Variants in IL19 observed in about 807,000 individuals in gnomAD.
The protein encoded by IL19 is interleukin-19.
IL19 carries 15 observed loss-of-function variants against 19.5 expected under a neutral mutation model. The ratio of observed to expected loss-of-function variants is 0.77; its 90% confidence interval spans 0.52 to 1.19. The LOEUF is 1.19. IL19 is among the 50% of genes most tolerant of loss of function. The pLI is 0.00. For missense variants in IL19, 199 were observed against 213.1 expected, an observed-to-expected ratio of 0.93 and a Z score of 0.41; for synonymous variants, 78 against 78.3, an observed-to-expected ratio of 1.00 and a Z score of 0.02.
chr1:206,782,601 G>C (rs1675174036), intron 1 of IL19, among the ~76,000 whole-genome samples: 1 of 152,216 alleles, frequency 6.6e-6, no homozygotes, highest in African/African-American at 2.4e-5. Context: ...CAGTTTAGCA[G>C]CTCCTGTGAG....
intron 2 of IL19, 50 bp from the exon 3 acceptor site, chr1:206,836,611 C>T (rs777758920): frequency 1.3e-6 from 2 of 1,533,568 alleles, no homozygotes; most frequent in African/African-American, 1.4e-5. Context: ...TCTTCTTTTT[C>T]ATTGCCCTCC....
chr1:206,784,317 C>T (rs1675214172), intron 1 of IL19, among the ~76,000 whole-genome samples: 1 of 152,196 alleles, frequency 6.6e-6, no homozygotes, highest in South Asian at 2.1e-4. Flanking sequence ...CCAGCCTGCC[C>T]CTTCTGTTCC....
chr1:206,773,956 G>A (rs532804945), intron 1 of IL19, among the ~76,000 whole-genome samples: 6 of 152,290 alleles, frequency 3.9e-5, no homozygotes, highest in Admixed American at 2.6e-4. Context: ...TGCCTGCCAG[G>A]GAGCATTGAG....
intron 2 of IL19, among the ~76,000 whole-genome samples, chr1:206,822,126 G>A (rs1228941662): frequency 6.6e-6 from 1 of 152,162 alleles, no homozygotes; most frequent in East Asian, 1.9e-4. Flanking sequence ...AAATTATTCT[G>A]GGCAAGGGGG....
chr1:206,827,318 T>C (rs1207855549), intron 2 of IL19, among the ~76,000 whole-genome samples: 1 of 152,228 alleles, frequency 6.6e-6, no homozygotes, highest in African/African-American at 2.4e-5. Flanking sequence ...TGTAATTTGT[T>C]GTAATTTCTT....
At chr1:206,783,792 C>T (rs556508003) in intron 1 of IL19, among the ~76,000 whole-genome samples, 1 of 152,316 alleles carries the variant, frequency 6.6e-6, no homozygotes, top group East Asian at 1.9e-4. Context: ...TCTGCCCTTT[C>T]CCATCTGTGT....
chr1:206,770,796 C>T lies in IL19; in HGVS notation c.-431C>T. On this transcript the variant is annotated 5_prime_UTR_variant, in exon 1 of 7. Transcript: ENST00000659997. The stretch of plus-strand genomic sequence containing the variant: ...GGAGTCTTTCCTCATTTACAGCTAG[C>T]TCTGCCAGTCTGTGTCTTTGCTGTG... 1 of 1,060,080 alleles carries T rather than the reference C, an allele frequency of 9.4e-7. No homozygotes were observed. The highest frequency in any genetic ancestry group is 1.5e-6 in the Non-Finnish European group (1 of 675,304). 65.7% of individuals were successfully genotyped at this position (1,060,080 alleles called of 1,614,324 possible).
chr1:206,789,852 T>C (rs1249374291), intron 1 of IL19, among the ~76,000 whole-genome samples: 1 of 152,202 alleles, frequency 6.6e-6, no homozygotes, highest in Non-Finnish European at 1.5e-5. Flanking sequence ...CCTGTGTTAG[T>C]TTGCTAAGGA....
intron 1 of IL19, among the ~76,000 whole-genome samples, chr1:206,789,538 G>C (rs529526897): frequency 6.6e-6 from 1 of 152,038 alleles, no homozygotes; most frequent in Non-Finnish European, 1.5e-5. Flanking sequence ...ATGGCTGAGT[G>C]GTACTCCATG....
chr1:206,833,555 A>G (rs1676681737), intron 2 of IL19, among the ~76,000 whole-genome samples: 2 of 152,226 alleles, frequency 1.3e-5, no homozygotes, highest in Non-Finnish European at 2.9e-5. Context: ...AACTGTTTAT[A>G]CCCTATCTTT....
chr1:206,821,637 C>T (rs1361324264), intron 2 of IL19, among the ~76,000 whole-genome samples: 1 of 152,206 alleles, frequency 6.6e-6, no homozygotes, highest in African/African-American at 2.4e-5. Flanking sequence ...GCTCTAGCAC[C>T]ATTAGCTTCG....
At chr1:206,828,594 G>T (rs577789370) in intron 2 of IL19, among the ~76,000 whole-genome samples, 1 of 152,116 alleles carries the variant, frequency 6.6e-6, no homozygotes, top group Non-Finnish European at 1.5e-5. Flanking sequence ...GGAGTGAAAG[G>T]TACGTAAACA....
At chr1:206,813,331 C>T (rs1288700463) in intron 2 of IL19, among the ~76,000 whole-genome samples, 1 of 152,184 alleles carries the variant, frequency 6.6e-6, no homozygotes, top group African/African-American at 2.4e-5. Flanking sequence ...CTTGTGGTTC[C>T]TGTGAGTGTT....
chr1:206,797,642 G>A (rs1315243766), intron 1 of IL19, among the ~76,000 whole-genome samples: 2 of 152,062 alleles, frequency 1.3e-5, no homozygotes, highest in Non-Finnish European at 2.9e-5. Context: ...TTTTTCTCAA[G>A]GACATTTCCT....
chr1:206,792,496 G>A (rs1196521077), intron 1 of IL19, among the ~76,000 whole-genome samples: 2 of 151,770 alleles, frequency 1.3e-5, no homozygotes, highest in African/African-American at 4.8e-5. Flanking sequence ...TTGCTCTGTC[G>A]CACATGCTGG....
At chr1:206,772,041 C>T (rs1051048912) in intron 1 of IL19, among the ~76,000 whole-genome samples, 4 of 152,336 alleles carry the variant, frequency 2.6e-5, no homozygotes, top group Non-Finnish European at 2.9e-5. Context: ...CGAGAGAGAA[C>T]GCATTTACTT....
chr1:206,775,141 A>C (rs901502993), intron 1 of IL19, among the ~76,000 whole-genome samples: 1 of 151,890 alleles, frequency 6.6e-6, no homozygotes, highest in Non-Finnish European at 1.5e-5. Context: ...CCCGAGTTCA[A>C]GCCATTCTCC....
In IL19 at chr1:206,835,116, A is replaced by G. The variant is rs1676740865; in HGVS notation, c.-2-1545A>G. Reference sequence around the variant, plus strand: ...ATTGCCTCACCAAGCTAAGGGAGACATCTTTCTCCTCCACAAAATGCGCAA... The same window carrying G: ...ATTGCCTCACCAAGCTAAGGGAGACGTCTTTCTCCTCCACAAAATGCGCAA... On this transcript the variant is annotated intron_variant, in intron 2 of 6. Transcript: ENST00000659997. Among the ~76,000 whole-genome samples, 4 of 152,214 alleles carry G rather than the reference A, an allele frequency of 2.6e-5. No individual in the cohort carries two copies. In the South Asian group the frequency reaches 6.2e-4, roughly 24 times the overall value.
At chr1:206,781,123 G>T (rs1558606020) in intron 1 of IL19, among the ~76,000 whole-genome samples, 1 of 152,042 alleles carries the variant, frequency 6.6e-6, no homozygotes, top group Non-Finnish European at 1.5e-5. Context: ...TACCCCTACA[G>T]GAGCAACACC....
Sources: gnomAD v4.1 joint callset for allele counts (sites outside exome capture counted in the v4.1 genomes callset) on GRCh38, gnomAD v4.1.1 for gene constraint, MANE v1.5 for transcripts, NCBI Gene and HGNC (gene_info 2026-07-23, HGNC 2026-07-21) for gene names.